Variants in METTL16 observed in about 807,000 individuals in gnomAD.
METTL16 encodes methyltransferase 16, RNA N6-adenosine, also known as RNA N(6)-adenosine-methyltransferase METTL16.
A neutral mutation model predicts 57.9 loss-of-function variants in METTL16; 19 were observed. The observed-to-expected ratio is 0.33, with a 90% CI of 0.23 to 0.48. The LOEUF (loss-of-function observed/expected upper bound fraction) is 0.48, where lower values mean the gene tolerates loss of function less well. Among genes scored for constraint, METTL16 ranks in the 20% least tolerant of loss-of-function variants. The pLI, the probability that METTL16 is intolerant of heterozygous loss-of-function variation, is 0.99. For synonymous variants in METTL16, 246 were observed against 255.6 expected (o/e 0.96, Z 0.36); for missense variants, 434 against 691.5 (o/e 0.63, Z 4.18).
intron 4 of METTL16, among the ~76,000 whole-genome samples, chr17:2,473,117 G>A (rs1417454084): frequency 6.6e-6 from 1 of 152,066 alleles, no homozygotes; most frequent in Non-Finnish European, 1.5e-5. Context: ...GGGAATCTCT[G>A]AACCTTTCAC....
At chr17:2,446,882 G>A (rs2067000876) in intron 6 of METTL16, among the ~76,000 whole-genome samples, 3 of 152,076 alleles carry the variant, frequency 2.0e-5, no homozygotes, top group African/African-American at 7.2e-5. Flanking sequence ...TTCACTCAGT[G>A]CTCAGTGGTG....
chr17:2,507,396 C>T (rs1255240631), intron 1 of METTL16, among the ~76,000 whole-genome samples: 4 of 147,738 alleles, frequency 2.7e-5, no homozygotes, highest in African/African-American at 7.5e-5. Flanking sequence ...GCCCCCAGCC[C>T]GGCCAGCCGC....
chr17:2,485,225 G>C (rs1303854649), intron 2 of METTL16, among the ~76,000 whole-genome samples: 1 of 152,202 alleles, frequency 6.6e-6, no homozygotes, highest in Non-Finnish European at 1.5e-5. Flanking sequence ...AGCACTCCTT[G>C]AGGATCTAAA....
intron 6 of METTL16, among the ~76,000 whole-genome samples, chr17:2,451,505 C>T (rs1220373912): frequency 6.6e-6 from 1 of 151,604 alleles, no homozygotes; most frequent in Non-Finnish European, 1.5e-5. Context: ...CCTGTAGTTC[C>T]AGGTACGCAG....
At chr17:2,491,402 A>G (rs1389462636) in intron 2 of METTL16, among the ~76,000 whole-genome samples, 1 of 152,190 alleles carries the variant, frequency 6.6e-6, no homozygotes, top group Admixed American at 6.5e-5. Flanking sequence ...ATCCATTGTT[A>G]AAATAACAAT....
At chr17:2,480,500 G>A (rs774485818) in intron 2 of METTL16, among the ~76,000 whole-genome samples, 56 of 152,110 alleles carry the variant, frequency 3.7e-4, no homozygotes, top group Admixed American at 1.2e-3. Flanking sequence ...CGCTCCCATC[G>A]CTACGAGCAT....
chr17:2,508,983 C>T (rs777769743), intron 1 of METTL16, among the ~76,000 whole-genome samples: 1 of 152,110 alleles, frequency 6.6e-6, no homozygotes, highest in African/African-American at 2.4e-5. Context: ...TCGCCTTTCA[C>T]CTCTGAAGGT....
chr17:2,421,368 A>G (rs2066764335), intron 8 of METTL16, among the ~76,000 whole-genome samples: 1 of 152,118 alleles, frequency 6.6e-6, no homozygotes. Context: ...AGAAAAAAAA[A>G]ATTTTTAATT....
chr17:2,479,515 G>T (rs1281003600), intron 2 of METTL16, among the ~76,000 whole-genome samples: 1 of 152,030 alleles, frequency 6.6e-6, no homozygotes, highest in Non-Finnish European at 1.5e-5. Context: ...GATGGGGTAT[G>T]AAAGGGAGGA....
At chr17:2,508,640 G>A (rs750684415) in intron 1 of METTL16, among the ~76,000 whole-genome samples, 26 of 151,856 alleles carry the variant, frequency 1.7e-4, no homozygotes, top group African/African-American at 5.8e-4. Context: ...TCTTTCTTGG[G>A]TTGCTCTAAG....
intron 2 of METTL16, among the ~76,000 whole-genome samples, chr17:2,492,125 G>T (rs935133234): frequency 6.6e-6 from 1 of 151,302 alleles, no homozygotes; most frequent in Non-Finnish European, 1.5e-5. Context: ...GTAGGAGAAT[G>T]GCGTGAACCT....
chr17:2,492,693 C>T (rs150248649), intron 2 of METTL16, among the ~76,000 whole-genome samples: 112 of 151,998 alleles, frequency 7.4e-4, no homozygotes, highest in African/African-American at 2.6e-3. Context: ...AGTTTGAGAC[C>T]AGCCTGGCCA....
chr17:2,439,196 A>G (rs1375017388), intron 7 of METTL16, among the ~76,000 whole-genome samples: 1 of 152,066 alleles, frequency 6.6e-6, no homozygotes, highest in Non-Finnish European at 1.5e-5. Context: ...TGCAACTTCA[A>G]CTTTCCGGGC....
intron 7 of METTL16, among the ~76,000 whole-genome samples, 182 bp downstream of exon 7, chr17:2,441,308 C>G (rs947211900): frequency 6.6e-6 from 1 of 151,962 alleles, no homozygotes; most frequent in Non-Finnish European, 1.5e-5. Context: ...AGTGGGAGAC[C>G]GGGTGACGGG....
intron 5 of METTL16, among the ~76,000 whole-genome samples, chr17:2,465,429 C>T (rs1490992835): frequency 1.3e-5 from 2 of 151,708 alleles, no homozygotes; most frequent in Admixed American, 6.6e-5. Context: ...CGCCTGTAGT[C>T]CCAGCTACTC....
At chr17:2,474,386 GAAAAAAAAA>G (rs752477163) in intron 3 of METTL16, among the ~76,000 whole-genome samples, 1 of 60,236 alleles carries the variant, frequency 1.7e-5, no homozygotes, top group Non-Finnish European at 4.0e-5. Context: ...GAAACAAAAA[GAAAAAAAAA>G]AAAAAAAAAA....
intron 5 of METTL16, among the ~76,000 whole-genome samples, chr17:2,466,198 A>C (rs376397016): frequency 0.27 from 40,012 of 149,378 alleles, 5,956 homozygotes; most frequent in African/African-American, 0.38. Context: ...TGTCACAAAA[A>C]AAAAAAAAAA....
rs558221784 is a variant in METTL16, at chr17:2,497,197, G to A, written c.128+5007C>T. ...ATTTTTGTATTTTTAGTAGAGACGG[G>A]GTTTCACCATGTTGGCCAGACTGGT... On this transcript the variant is annotated intron_variant, in intron 2 of 9. Transcript: ENST00000263092. 4.0e-5 allele frequency among the ~76,000 whole-genome samples: 6 copies of A among 150,660 alleles called. No homozygotes were observed. The South Asian group carries it at 1.2e-3, about 31-fold the overall frequency.
In METTL16 at chr17:2,420,947, G is replaced by A. The variant is rs913691281; in HGVS notation, c.889-43C>T. ...CATAGAAAAGAGAAGAAAGTTATCC[G>A]AATAATTAAACCTCATGCATTGTAA... On this transcript the variant is annotated intron_variant, in intron 8 of 9. Transcript: ENST00000263092. This position sits in a 1 kb window ranked among gnomAD's most constrained non-coding sequence, Gnocchi z 5.4. 6.5e-5 allele frequency: 104 copies of A among 1,593,870 alleles called. No individual in the cohort carries two copies. Among genetic ancestry groups the A allele is most frequent in the African/African-American group, 8.1e-5 (6 of 73,630 alleles).
Sources: allele counts gnomAD v4.1 joint callset (sites outside exome capture counted in the v4.1 genomes callset), GRCh38; gene constraint gnomAD v4.1.1; non-coding constraint Gnocchi (gnomAD v3.1); transcripts MANE v1.5; gene names NCBI Gene and HGNC (gene_info 2026-07-23, HGNC 2026-07-21).